NGEF: variants seen among roughly 807,000 people sequenced by gnomAD.
The protein encoded by NGEF is neuronal guanine nucleotide exchange factor.
In NGEF, 31 loss-of-function variants were observed where a neutral mutation model predicts 80.9. That is an observed-to-expected ratio of 0.38 (90% confidence interval 0.29 to 0.52). NGEF has a LOEUF of 0.52. Among genes scored for constraint, NGEF ranks in the 20% least tolerant of loss-of-function variants. The probability of loss-of-function intolerance (pLI) is 0.84; values close to 1 mark genes in which losing one functional copy is unlikely to be tolerated. For synonymous variants in NGEF, 371 were observed against 370.2 expected, an observed-to-expected ratio of 1.00 and a Z score of -0.03; for missense variants, 709 against 926.2, an observed-to-expected ratio of 0.77 and a Z score of 3.04.
intron 5 of NGEF, among the ~76,000 whole-genome samples, chr2:232,908,743 G>T (rs1228054033): frequency 8.0e-5 from 12 of 150,526 alleles, no homozygotes; most frequent in African/African-American, 2.2e-4. Flanking sequence ...TGTTTTTTTG[G>T]TTTTTTGTTT....
intron 4 of NGEF, among the ~76,000 whole-genome samples, chr2:232,922,875 G>A (rs1255698911): frequency 6.6e-6 from 1 of 152,236 alleles, no homozygotes; most frequent in South Asian, 2.1e-4. Context: ...TTCGAGACCA[G>A]CCTGGCCAAC....
chr2:233,000,677 G>GT (rs1290365394), intron 1 of NGEF, among the ~76,000 whole-genome samples: 9 of 151,690 alleles, frequency 5.9e-5, no homozygotes, highest in Non-Finnish European at 1.0e-4. Flanking sequence ...GGAGAATGGC[G>GT]TGAACCTGGG....
intron 3 of NGEF, among the ~76,000 whole-genome samples, chr2:232,949,384 A>C (rs1693629121): frequency 6.6e-6 from 1 of 152,220 alleles, no homozygotes; most frequent in Non-Finnish European, 1.5e-5. Flanking sequence ...ACTCTGGGTC[A>C]AAGATTAGGA....
intron 5 of NGEF, among the ~76,000 whole-genome samples, chr2:232,917,340 T>G (rs191671007): frequency 8.7e-4 from 133 of 152,330 alleles, no homozygotes; most frequent in African/African-American, 2.9e-3. Flanking sequence ...TCAGGAGAGA[T>G]AAAATAGATA....
At chr2:232,918,242 G>A (rs1203288970) in intron 5 of NGEF, among the ~76,000 whole-genome samples, 1 of 152,156 alleles carries the variant, frequency 6.6e-6, no homozygotes, top group East Asian at 1.9e-4. Flanking sequence ...ACAGGCATGA[G>A]CCACTGTGCC....
At chr2:232,950,036 T>G (rs1167710999) in intron 3 of NGEF, among the ~76,000 whole-genome samples, 2 of 152,144 alleles carry the variant, frequency 1.3e-5, no homozygotes, top group Non-Finnish European at 2.9e-5. Flanking sequence ...GGTCTCAAAC[T>G]GCTGACCTCA....
chr2:232,983,708 C>G (rs952097564), intron 1 of NGEF, among the ~76,000 whole-genome samples: 2 of 152,162 alleles, frequency 1.3e-5, no homozygotes, highest in Non-Finnish European at 2.9e-5. Flanking sequence ...GCCCCGGTCT[C>G]GGTCTCGTGT....
chr2:232,914,387 G>C (rs982740880), intron 5 of NGEF, among the ~76,000 whole-genome samples: 3 of 152,216 alleles, frequency 2.0e-5, no homozygotes, highest in African/African-American at 7.2e-5. Context: ...CACGGAGCTA[G>C]TGACTATTGG....
chr2:232,954,069 T>A (rs749200232), intron 3 of NGEF, among the ~76,000 whole-genome samples: 18 of 152,182 alleles, frequency 1.2e-4, no homozygotes, highest in Non-Finnish European at 1.9e-4. Context: ...CAGAGCCGAA[T>A]GTCTACCGAG....
chr2:232,896,572 G>T (rs1324553325), intron 5 of NGEF, among the ~76,000 whole-genome samples: 8 of 103,950 alleles, frequency 7.7e-5, no homozygotes, highest in Non-Finnish European at 2.0e-5. Flanking sequence ...GGGTGAGGGT[G>T]AAGGTAGGGG....
chr2:232,900,050 G>C (rs868738884), intron 5 of NGEF, among the ~76,000 whole-genome samples: 1 of 114,882 alleles, frequency 8.7e-6, no homozygotes, highest in Non-Finnish European at 1.7e-5. Context: ...ACACACACAC[G>C]CTCTCACAGT....
chr2:232,977,746 C>A (rs1694325587), intron 1 of NGEF, among the ~76,000 whole-genome samples: 1 of 152,140 alleles, frequency 6.6e-6, no homozygotes, highest in Non-Finnish European at 1.5e-5. Flanking sequence ...GCCAGAGGGC[C>A]TGGCAGGCCC....
chr2:232,919,469 T>C (rs1692887993), intron 5 of NGEF, among the ~76,000 whole-genome samples: 1 of 152,154 alleles, frequency 6.6e-6, no homozygotes, highest in South Asian at 2.1e-4. Flanking sequence ...GTACCTACTT[T>C]TTAAATTTCA....
intron 6 of NGEF, 56 bp from the exon 7 acceptor site, chr2:232,893,106 G>T: frequency 1.2e-5 from 19 of 1,559,738 alleles, no homozygotes; most frequent in Non-Finnish European, 1.6e-5. Context: ...GTGGGGAATT[G>T]TCTCACCAAG....
chr2:232,927,363 C>A lies in NGEF; in HGVS notation c.384-177G>T, dbSNP rs550160175. Among the ~76,000 whole-genome samples the A allele has an allele frequency of 2.0e-5, 3 of 152,296 alleles. No individual in the cohort carries two copies. In the South Asian group the frequency reaches 6.2e-4, roughly 32 times the overall value. On this transcript the variant is annotated intron_variant, in intron 3 of 14. Transcript: ENST00000264051. Reference sequence around the variant, plus strand: ...TCCCGGCCGGGCGGGCCCCAAAAGCCCTTTCTGTCACCGCACCAGGGCGCG... The same window carrying A: ...TCCCGGCCGGGCGGGCCCCAAAAGCACTTTCTGTCACCGCACCAGGGCGCG...
At chr2:232,963,540 A>T (rs1284072553) in intron 3 of NGEF, among the ~76,000 whole-genome samples, 1 of 152,032 alleles carries the variant, frequency 6.6e-6, no homozygotes, top group Non-Finnish European at 1.5e-5. Flanking sequence ...TTGGCTGGGC[A>T]CAGTGGCTCA....
At chr2:232,896,965 G>A (rs1010381715) in intron 5 of NGEF, among the ~76,000 whole-genome samples, 3 of 134,734 alleles carry the variant, frequency 2.2e-5, no homozygotes, top group Non-Finnish European at 3.2e-5. Context: ...GTGAGGATGG[G>A]GGTAGTGGTG....
chr2:233,000,700 C>T (rs1293428445), intron 1 of NGEF, among the ~76,000 whole-genome samples: 3 of 150,538 alleles, frequency 2.0e-5, no homozygotes, highest in Non-Finnish European at 4.4e-5. Flanking sequence ...GCGGAGCTTG[C>T]AGTGAGCCGA....
At chr2:232,954,530 C>A (rs375937427) in intron 3 of NGEF, among the ~76,000 whole-genome samples, 8 of 151,888 alleles carry the variant, frequency 5.3e-5, no homozygotes, top group Admixed American at 2.6e-4. Flanking sequence ...TCGAGACCAT[C>A]CTGGCTAACA....
Sources: allele counts gnomAD v4.1 joint callset (sites outside exome capture counted in the v4.1 genomes callset), GRCh38; gene constraint gnomAD v4.1.1; transcripts MANE v1.5; gene names NCBI Gene and HGNC (gene_info 2026-07-23, HGNC 2026-07-21).